The following PHACTR1 variants were observed in gnomAD, a reference collection of about 807,000 sequenced individuals.
PHACTR1 encodes the protein phosphatase and actin regulator 1, also known as RPEL repeat containing 1.
Under a neutral mutation model 69.2 loss-of-function variants are expected in PHACTR1, and 16 were observed. The ratio of observed to expected loss-of-function variants is 0.23; its 90% CI spans 0.16 to 0.35. The LOEUF is 0.35. Ranked by LOEUF, PHACTR1 falls within the 10% of genes least tolerant of loss-of-function variation. PHACTR1 has a pLI of 1.00. For missense variants in PHACTR1, 510 were observed against 734.7 expected (o/e 0.69, Z 3.54); for synonymous variants, 312 against 284.5 (o/e 1.10, Z -0.97).
intron 5 of PHACTR1, among the ~76,000 whole-genome samples, chr6:13,115,052 G>C (rs1351430190): frequency 6.6e-6 from 1 of 152,110 alleles, no homozygotes. Flanking sequence ...ATTCAAACTG[G>C]TCTGACTCCA....
chr6:13,273,126 C>A, intron 11 of PHACTR1: 1 of 630,682 alleles, frequency 1.6e-6, no homozygotes, highest in Non-Finnish European at 2.6e-6. Context: ...TTTAGAAGCT[C>A]ACGGGCGGCA....
intron 4 of PHACTR1, among the ~76,000 whole-genome samples, chr6:12,987,702 T>C (rs1196332707): frequency 2.0e-5 from 3 of 152,184 alleles, no homozygotes; most frequent in Admixed American, 2.0e-4. Flanking sequence ...CTTGTCTGTA[T>C]GTGGGGTGCT....
chr6:13,108,921 T>C (rs1205135218), intron 5 of PHACTR1, among the ~76,000 whole-genome samples: 1 of 152,068 alleles, frequency 6.6e-6, no homozygotes. Context: ...GTTTTATTTT[T>C]AGTTTTTTTA....
intron 4 of PHACTR1, among the ~76,000 whole-genome samples, chr6:12,878,663 G>A (rs977459721): frequency 2.0e-5 from 3 of 152,200 alleles, no homozygotes; most frequent in South Asian, 2.1e-4. Context: ...GCTCAGGCTG[G>A]TAATATAGTG....
chr6:12,980,656 G>A (rs1256667633), intron 4 of PHACTR1, among the ~76,000 whole-genome samples: 1 of 151,556 alleles, frequency 6.6e-6, no homozygotes, highest in East Asian at 1.9e-4. Context: ...GGAGTGGGCA[G>A]TTTAAAAAAA....
intron 5 of PHACTR1, among the ~76,000 whole-genome samples, chr6:13,156,556 C>A (rs532268951): frequency 6.6e-6 from 1 of 152,322 alleles, no homozygotes; most frequent in Non-Finnish European, 1.5e-5. Context: ...GTTTGAGAAG[C>A]ACTGGTGCGT....
At position 13,199,033 on chromosome 6, in the gene PHACTR1, G is replaced by A. The variant is rs563031923; in HGVS notation, c.665-6782G>A. ...GACTTATTGAATCTGAACTCTGAAG[G>A]TGAGGCCCGGGAATCTGCCTCTCCC... On this transcript the variant is annotated intron_variant, in intron 7 of 14. Transcript: ENST00000332995. Among the ~76,000 whole-genome samples the A allele has an allele frequency of 9.1e-4, 138 of 152,214 alleles. 2 individuals are homozygous for A. The highest frequency in any genetic ancestry group is 3.3e-3 in the African/African-American group (135 of 41,512).
intron 12 of PHACTR1, chr6:13,281,654 G>A (rs1780269801): frequency 6.2e-6 from 1 of 160,356 alleles, no homozygotes; most frequent in Non-Finnish European, 1.4e-5. Flanking sequence ...CTGAGTAGGA[G>A]TCTGTTTATC....
intron 10 of PHACTR1, among the ~76,000 whole-genome samples, chr6:13,234,454 G>A (rs758718219): frequency 1.8e-4 from 28 of 152,134 alleles, no homozygotes; most frequent in Non-Finnish European, 3.5e-4. Context: ...ATGTGGCCAA[G>A]TCTGTGGTCC....
intron 10 of PHACTR1, among the ~76,000 whole-genome samples, chr6:13,266,097 G>A (rs565789594): frequency 5.3e-5 from 8 of 151,928 alleles, no homozygotes; most frequent in Admixed American, 1.3e-4. Flanking sequence ...TCACAAACAC[G>A]CTGGTTCTCT....
intron 4 of PHACTR1, among the ~76,000 whole-genome samples, chr6:12,842,229 T>C (rs1002327408): frequency 6.6e-6 from 1 of 152,238 alleles, no homozygotes; most frequent in Non-Finnish European, 1.5e-5. Context: ...ATTTGCATTA[T>C]TCAGATACAG....
chr6:12,717,335 T>C (rs1315196580), intron 1 of PHACTR1, among the ~76,000 whole-genome samples, 174 bp from the exon 2 acceptor site: 2 of 152,154 alleles, frequency 1.3e-5, no homozygotes, highest in Non-Finnish European at 2.9e-5. Flanking sequence ...TTTGGGATTA[T>C]GAAAATAAAC....
At chr6:12,993,813 A>G (rs989070033) in intron 4 of PHACTR1, among the ~76,000 whole-genome samples, 11 of 152,308 alleles carry the variant, frequency 7.2e-5, no homozygotes, top group Admixed American at 2.0e-4. Flanking sequence ...TCCCCTCTCC[A>G]GGCCATTAGA....
At chr6:13,281,494 C>T in intron 12 of PHACTR1, 2 of 328,720 alleles carry the variant, frequency 6.1e-6, no homozygotes, top group Admixed American at 3.5e-5. Context: ...GCGGAGGTTG[C>T]AGTGAGCCGA....
intron 8 of PHACTR1, among the ~76,000 whole-genome samples, chr6:13,224,727 C>T (rs1049509246): frequency 2.0e-5 from 3 of 152,136 alleles, no homozygotes; most frequent in Admixed American, 6.6e-5. Context: ...GTTCATGATG[C>T]GTTAACTGAA....
intron 4 of PHACTR1, among the ~76,000 whole-genome samples, chr6:12,912,731 T>C (rs894303069): frequency 3.3e-5 from 5 of 152,180 alleles, no homozygotes; most frequent in African/African-American, 1.2e-4. Context: ...GGCAGGCAGA[T>C]TGCTTGAGCC....
chr6:13,196,107 C>G (rs1410603775), intron 7 of PHACTR1, among the ~76,000 whole-genome samples: 1 of 152,206 alleles, frequency 6.6e-6, no homozygotes, highest in Admixed American at 6.5e-5. Context: ...AATAAGTCAG[C>G]AAGCAGAGAG....
At chr6:12,948,642 C>A (rs1790931038) in intron 4 of PHACTR1, among the ~76,000 whole-genome samples, 1 of 152,158 alleles carries the variant, frequency 6.6e-6, no homozygotes, top group South Asian at 2.1e-4. Flanking sequence ...AAGATTTAAA[C>A]CCTGACCCTG....
chr6:13,104,501 C>T (rs1434140883), intron 5 of PHACTR1, among the ~76,000 whole-genome samples: 1 of 152,118 alleles, frequency 6.6e-6, no homozygotes, highest in Non-Finnish European at 1.5e-5. Flanking sequence ...TCAAACTTTA[C>T]TAATTCAGAT....
Sources: allele counts gnomAD v4.1 joint callset (sites outside exome capture counted in the v4.1 genomes callset), GRCh38; gene constraint gnomAD v4.1.1; transcripts MANE v1.5; gene names NCBI Gene and HGNC (gene_info 2026-07-23, HGNC 2026-07-21).